The following TRDN variants were observed in gnomAD, a reference collection of about 807,000 sequenced individuals.
TRDN encodes the protein triadin.
TRDN carries 161 observed loss-of-function variants against 149.7 expected under a neutral mutation model. The ratio of observed to expected loss-of-function variants is 1.08; its 90% CI spans 0.95 to 1.23. The LOEUF (loss-of-function observed/expected upper bound fraction) is 1.23, where lower values mean the gene tolerates loss of function less well. TRDN is among the 50% of genes most tolerant of loss of function. TRDN has a pLI of 0.00. For synonymous variants in TRDN, 294 were observed against 250.5 expected, an observed-to-expected ratio of 1.17 and a Z score of -1.64; for missense variants, 896 against 823.5, an observed-to-expected ratio of 1.09 and a Z score of -1.08.
intron 2 of TRDN, among the ~76,000 whole-genome samples, chr6:123,561,036 C>T (rs1274969419): frequency 1.3e-5 from 2 of 152,124 alleles, no homozygotes; most frequent in Non-Finnish European, 2.9e-5. Context: ...ACTCACATGC[C>T]CCGAGTCAGA....
At chr6:123,345,677 A>G (rs918365070) in intron 21 of TRDN, among the ~76,000 whole-genome samples, 2 of 152,116 alleles carry the variant, frequency 1.3e-5, no homozygotes, top group Non-Finnish European at 2.9e-5. Flanking sequence ...ATACTAAGTC[A>G]TTGTATCAAT....
chr6:123,376,888 C>T (rs1173866261), intron 18 of TRDN, among the ~76,000 whole-genome samples: 2 of 152,028 alleles, frequency 1.3e-5, no homozygotes, highest in East Asian at 3.9e-4. Context: ...CACCCATACA[C>T]ACACACACAC....
chr6:123,576,928 C>T (rs1298015170), intron 1 of TRDN, among the ~76,000 whole-genome samples: 1 of 151,388 alleles, frequency 6.6e-6, no homozygotes, highest in Non-Finnish European at 1.5e-5. Context: ...CATCAGTTTA[C>T]ATATAACTCA....
chr6:123,471,496 G>A (rs910518149), intron 9 of TRDN: 1 of 152,040 alleles, frequency 6.6e-6, no homozygotes, highest in East Asian at 1.9e-4. Flanking sequence ...AAAGGTTTAA[G>A]CAAATGAATT....
intron 39 of TRDN, among the ~76,000 whole-genome samples, chr6:123,222,870 A>T (rs571432418): frequency 6.6e-6 from 1 of 151,906 alleles, no homozygotes; most frequent in Admixed American, 6.6e-5. Context: ...GAAGACATAC[A>T]TTCAATCAAC....
chr6:123,439,658 G>A (rs1374280788), intron 10 of TRDN: 3 of 152,186 alleles, frequency 2.0e-5, no homozygotes, highest in South Asian at 2.1e-4. Context: ...TCTAAACTTC[G>A]TGGAAGAGCC....
intron 20 of TRDN, among the ~76,000 whole-genome samples, chr6:123,356,601 T>C (rs1254028869): frequency 6.9e-6 from 1 of 144,712 alleles, no homozygotes; most frequent in Non-Finnish European, 1.5e-5. Flanking sequence ...CCCCATATAA[T>C]GAGAGAATAT....
At chr6:123,365,599 A>C (rs1781065496) in intron 20 of TRDN, among the ~76,000 whole-genome samples, 2 of 152,288 alleles carry the variant, frequency 1.3e-5, no homozygotes, top group African/African-American at 4.8e-5. Context: ...TGTTGAGGAT[A>C]GGCTTATTAA....
At chr6:123,316,329 T>C in intron 24 of TRDN, 128 bp downstream of exon 24, 1 of 835,058 alleles carries the variant, frequency 1.2e-6, no homozygotes. Context: ...GCACATAGCA[T>C]CAGTATTTTT....
chr6:123,399,418 T>G (rs1229627072), intron 12 of TRDN, among the ~76,000 whole-genome samples: 1 of 152,240 alleles, frequency 6.6e-6, no homozygotes, highest in Admixed American at 6.5e-5. Context: ...GAAACTTTTT[T>G]TAACATAAAG....
intron 12 of TRDN, among the ~76,000 whole-genome samples, chr6:123,399,179 T>C (rs573904740): frequency 2.0e-5 from 3 of 152,332 alleles, no homozygotes; most frequent in Admixed American, 6.5e-5. Flanking sequence ...TTACTACATG[T>C]AGGTCAAAAT....
At chr6:123,418,924 C>T (rs879883744) in intron 12 of TRDN, among the ~76,000 whole-genome samples, 9 of 151,958 alleles carry the variant, frequency 5.9e-5, no homozygotes, top group Admixed American at 2.6e-4. Flanking sequence ...ATACAGTTGT[C>T]TTTCTTATCC....
chr6:123,222,881 A>C (rs1195916139), intron 39 of TRDN, among the ~76,000 whole-genome samples: 1 of 151,900 alleles, frequency 6.6e-6, no homozygotes, highest in Non-Finnish European at 1.5e-5. Context: ...TTCAATCAAC[A>C]AGCGTATGAA....
intron 12 of TRDN, among the ~76,000 whole-genome samples, chr6:123,413,448 A>T (rs1397260523): frequency 6.6e-6 from 1 of 152,224 alleles, no homozygotes; most frequent in East Asian, 1.9e-4. Flanking sequence ...TGGTTATAAA[A>T]AATAATTAAA....
At chr6:123,356,512 T>TATATATGTATATATACATATATATATAC (rs1383222430) in intron 20 of TRDN, among the ~76,000 whole-genome samples, 1 of 13,882 alleles carries the variant, frequency 7.2e-5, no homozygotes, top group African/African-American at 2.8e-4. Context: ...TTTATATATA[T>TATATATGTATATATACATATATATATAC]ATATATATAT....
chr6:123,549,668 C>T (rs991281627), intron 2 of TRDN, among the ~76,000 whole-genome samples: 1 of 151,978 alleles, frequency 6.6e-6, no homozygotes, highest in Non-Finnish European at 1.5e-5. Context: ...ACTTCCTTTA[C>T]TGTGTTGAAG....
At chr6:123,390,605 C>T (rs1343027500) in intron 13 of TRDN, among the ~76,000 whole-genome samples, 1 of 152,090 alleles carries the variant, frequency 6.6e-6, no homozygotes, top group Non-Finnish European at 1.5e-5. Flanking sequence ...ATCTACCAAG[C>T]TGGATTCCAG....
intron 26 of TRDN, among the ~76,000 whole-genome samples, chr6:123,277,231 A>G (rs1777398560): frequency 6.6e-6 from 1 of 152,120 alleles, no homozygotes; most frequent in Non-Finnish European, 1.5e-5. Context: ...GATTTAGATA[A>G]TGAGATTTTG....
intron 12 of TRDN, among the ~76,000 whole-genome samples, chr6:123,431,702 C>A (rs1422734661): frequency 6.6e-6 from 1 of 151,958 alleles, no homozygotes; most frequent in Admixed American, 6.6e-5. Flanking sequence ...GTTATTTTGT[C>A]CAATTATAAA....
Sources: allele counts gnomAD v4.1 joint callset (sites outside exome capture counted in the v4.1 genomes callset), GRCh38; gene constraint gnomAD v4.1.1; transcripts MANE v1.5; gene names NCBI Gene and HGNC (gene_info 2026-07-23, HGNC 2026-07-21).